The following ARHGEF12 variants were observed in gnomAD, a reference collection of about 807,000 sequenced individuals.
The protein encoded by ARHGEF12 is Rho guanine nucleotide exchange factor 12.
ARHGEF12 carries 66 observed loss-of-function variants against 211.2 expected under a neutral mutation model. The ratio of observed to expected loss-of-function variants is 0.31; its 90% CI spans 0.26 to 0.38. The LOEUF is 0.38. Ranked by LOEUF, ARHGEF12 falls within the 10% of genes least tolerant of loss-of-function variation. The pLI, the probability that ARHGEF12 is intolerant of heterozygous loss-of-function variation, is 1.00. For synonymous variants in ARHGEF12, 592 were observed against 638.4 expected (o/e 0.93, Z 1.09); for missense variants, 1,429 against 1,869.5 (o/e 0.76, Z 4.34).
At chr11:120,442,249 T>G (rs924657037) in intron 15 of ARHGEF12, 47 bp downstream of exon 15, 1 of 1,420,588 alleles carries the variant, frequency 7.0e-7, no homozygotes, top group African/African-American at 1.4e-5. Context: ...GTACATGGAA[T>G]TATTGTCCTC....
Position 120,473,108 on chromosome 11 carries a change from C to G in ARHGEF12, c.3014C>G (p.Pro1005Arg). ...TCCAGCCTGAAGTTGTCAGAGTACCCAAATGTTGAAGAGCTCAGGGTGAGA... is the reference window on the plus strand; with the variant it reads ...TCCAGCCTGAAGTTGTCAGAGTACCGAAATGTTGAAGAGCTCAGGGTGAGA... ...DTSSLKLSEYPNVEELRNLDL... is the reference protein window; with the variant it reads ...DTSSLKLSEYRNVEELRNLDL... Residue 1005 changes from proline to arginine, a missense_variant, in exon 31 of 41, where the codon CCA (proline) becomes CGA (arginine). This residue lies in a region of ARHGEF12 where 223 missense variants were observed against 444.6 expected (regional missense o/e 0.50). Coordinates refer to ENST00000397843, the MANE Select transcript of ARHGEF12 (RefSeq NM_015313.3). 6.2e-7 allele frequency: 1 copy of G among 1,613,276 alleles called. No homozygotes were observed. The highest frequency in any genetic ancestry group is 1.1e-5 in the South Asian group (1 of 91,036).
rs955437922 is a variant in ARHGEF12, at chr11:120,372,168, A to G, written c.33-33950A>G. Among the ~76,000 whole-genome samples, 6 of 152,354 alleles carry G rather than the reference A, an allele frequency of 3.9e-5. 1 individual carries two copies. In the East Asian group the frequency reaches 1.2e-3, roughly 29 times the overall value. On this transcript the variant is annotated intron_variant, in intron 1 of 40. Transcript: ENST00000397843. Reference sequence around the variant, plus strand: ...AAACTTCCAAGGGAACATTAGATAAAGTAATAGTAACTATAAGGTAACCAC... The same window carrying G: ...AAACTTCCAAGGGAACATTAGATAAGGTAATAGTAACTATAAGGTAACCAC...
At chr11:120,482,463 G>C (rs1358883800) in intron 39 of ARHGEF12, among the ~76,000 whole-genome samples, 1 of 152,022 alleles carries the variant, frequency 6.6e-6, no homozygotes, top group Non-Finnish European at 1.5e-5. Context: ...TTTTCCATCA[G>C]AGGCAGGGCA....
intron 1 of ARHGEF12, among the ~76,000 whole-genome samples, chr11:120,345,036 A>G (rs745580995): frequency 2.0e-4 from 30 of 152,310 alleles, no homozygotes; most frequent in Middle Eastern, 3.4e-3. Flanking sequence ...AGTACTGGTT[A>G]AGGCATATTT....
chr11:120,390,632 A>T (rs1309625421), intron 1 of ARHGEF12, among the ~76,000 whole-genome samples: 2 of 152,144 alleles, frequency 1.3e-5, no homozygotes, highest in African/African-American at 4.8e-5. Flanking sequence ...ATACCTTTCT[A>T]CCTAAGTATC....
intron 1 of ARHGEF12, among the ~76,000 whole-genome samples, chr11:120,383,328 A>G (rs1943930609): frequency 6.6e-6 from 1 of 152,006 alleles, no homozygotes; most frequent in Non-Finnish European, 1.5e-5. Context: ...TTTCAATGGG[A>G]CTGGGAGGGT....
intron 29 of ARHGEF12, among the ~76,000 whole-genome samples, chr11:120,469,049 T>C (rs1047505226): frequency 6.6e-6 from 1 of 152,190 alleles, no homozygotes; most frequent in Non-Finnish European, 1.5e-5. Context: ...TTTCGGGTTC[T>C]GTACTGTGAT....
At chr11:120,439,706 T>C (rs1945810061) in intron 12 of ARHGEF12, 1 of 153,490 alleles carries the variant, frequency 6.5e-6, no homozygotes, top group South Asian at 2.0e-4. Flanking sequence ...TTTCTCCTAT[T>C]GTCTTCATTC....
intron 1 of ARHGEF12, among the ~76,000 whole-genome samples, chr11:120,339,708 G>C (rs1942472254): frequency 6.6e-6 from 1 of 152,160 alleles, no homozygotes; most frequent in Non-Finnish European, 1.5e-5. Context: ...GCGTTGTTCT[G>C]TTTTGCAGTT....
rs1565420456 is a variant in ARHGEF12, at chr11:120,351,426, TATATATATATATATATATATATATA to T, written c.32+14152_32+14176del. Among the ~76,000 whole-genome samples, 22 of 4,264 alleles carry T rather than the reference TATATATATATATATATATATATATA, an allele frequency of 5.2e-3. 1 individual carries two copies. The highest frequency in any genetic ancestry group is 0.013 in the African/African-American group (21 of 1,592). The allele number at this position is 4,264 out of a possible 152,430, so 2.8% of individuals were successfully genotyped here. On this transcript the variant is annotated intron_variant, in intron 1 of 40. Transcript: ENST00000397843. Reference sequence around the variant, plus strand: ...GGAAAGGAATATATATATATATATATATATATATATATATATATATATATATATATTTTTTTTTTTTTTTTTTTTT... The same window carrying T: ...GGAAAGGAATATATATATATATATATTATATTTTTTTTTTTTTTTTTTTTT...
intron 1 of ARHGEF12, among the ~76,000 whole-genome samples, chr11:120,371,243 A>G (rs1393376091): frequency 6.6e-6 from 1 of 152,192 alleles, no homozygotes; most frequent in Non-Finnish European, 1.5e-5. Context: ...AATCCCAGCA[A>G]TATGGGAGGC....
chr11:120,351,104 C>G (rs1352193960), intron 1 of ARHGEF12, among the ~76,000 whole-genome samples: 1 of 151,788 alleles, frequency 6.6e-6, no homozygotes, highest in African/African-American at 2.4e-5. Flanking sequence ...AATCCCAGCA[C>G]TTTGGGAGGC....
chr11:120,419,385 T>G (rs563383522), intron 4 of ARHGEF12, among the ~76,000 whole-genome samples: 2 of 151,962 alleles, frequency 1.3e-5, no homozygotes, highest in Non-Finnish European at 2.9e-5. Context: ...TTTTGTTACA[T>G]GTATTTTATC....
At chr11:120,426,860 GT>G (rs762060211) in intron 7 of ARHGEF12, among the ~76,000 whole-genome samples, 9 of 145,372 alleles carry the variant, frequency 6.2e-5, no homozygotes, top group African/African-American at 2.3e-4. Flanking sequence ...TGATTATGGT[GT>G]TTTTTTTTGT....
At chr11:120,400,299 T>G (rs1156714259) in intron 1 of ARHGEF12, among the ~76,000 whole-genome samples, 1 of 152,148 alleles carries the variant, frequency 6.6e-6, no homozygotes, top group Non-Finnish European at 1.5e-5. Flanking sequence ...GCAAACAGAA[T>G]CATGCATTGC....
chr11:120,488,548 C>G lies in ARHGEF12; in HGVS notation c.*3471C>G, dbSNP rs1947457179. The stretch of plus-strand genomic sequence containing the variant: ...CTTTTGCCTTATTCCTTATGCCTTC[C>G]CCACTGGTATTGAGGGTTTTGATAA... On this transcript the variant is annotated 3_prime_UTR_variant, in exon 41 of 41. Coordinates refer to ENST00000397843, the MANE Select transcript of ARHGEF12 (RefSeq NM_015313.3). 1 of 218,474 alleles carries G rather than the reference C, an allele frequency of 4.6e-6. No individual in the cohort carries two copies. The highest frequency in any genetic ancestry group is 9.2e-6 in the Non-Finnish European group (1 of 108,830). 13.5% of individuals were successfully genotyped at this position (218,474 alleles called of 1,614,324 possible). A position where few individuals can be genotyped will look rare whatever the true frequency, so the allele number is the denominator to read the frequency against.
At chr11:120,392,258 G>T (rs926982282) in intron 1 of ARHGEF12, among the ~76,000 whole-genome samples, 5 of 152,062 alleles carry the variant, frequency 3.3e-5, no homozygotes, top group Non-Finnish European at 1.5e-5. Flanking sequence ...CCCATGGCTG[G>T]CTCCTTCATT....
chr11:120,395,203 T>C (rs1944345807), intron 1 of ARHGEF12, among the ~76,000 whole-genome samples: 1 of 151,470 alleles, frequency 6.6e-6, no homozygotes, highest in African/African-American at 2.4e-5. Context: ...TACATATACA[T>C]AAAACAGGAA....
At chr11:120,365,165 T>G (rs661139) in intron 1 of ARHGEF12, among the ~76,000 whole-genome samples, 1 of 152,162 alleles carries the variant, frequency 6.6e-6, no homozygotes, top group Non-Finnish European at 1.5e-5. Flanking sequence ...TATGTTGTTT[T>G]CTAGGCTTTT....
Sources: allele counts gnomAD v4.1 joint callset (sites outside exome capture counted in the v4.1 genomes callset), GRCh38; gene constraint gnomAD v4.1.1; regional missense constraint gnomAD v4.1.1; transcripts MANE v1.5; gene names NCBI Gene and HGNC (gene_info 2026-07-23, HGNC 2026-07-21).